The following PRKCB variants were observed in gnomAD, a reference collection of about 807,000 sequenced individuals.
PRKCB encodes protein kinase C beta, also known as protein kinase C beta type.
A neutral mutation model predicts 81.5 loss-of-function variants in PRKCB; 13 were observed. The observed-to-expected ratio is 0.16, with a 90% CI of 0.10 to 0.25. PRKCB has a LOEUF of 0.25. Among genes scored for constraint, PRKCB ranks in the 10% least tolerant of loss-of-function variants. The pLI, the probability that PRKCB is intolerant of heterozygous loss-of-function variation, is 1.00. For missense variants in PRKCB, 509 were observed against 875.7 expected (o/e 0.58, Z 5.29); for synonymous variants, 335 against 321.4 (o/e 1.04, Z -0.45).
At chr16:23,941,796 A>T (rs1425735420) in intron 2 of PRKCB, among the ~76,000 whole-genome samples, 1 of 152,220 alleles carries the variant, frequency 6.6e-6, no homozygotes, top group Non-Finnish European at 1.5e-5. Flanking sequence ...AAATATACTT[A>T]ATTTTGAGAT....
chr16:24,105,508 T>C (rs1439407079), intron 7 of PRKCB, among the ~76,000 whole-genome samples: 1 of 152,152 alleles, frequency 6.6e-6, no homozygotes. Context: ...CATTAGGTAT[T>C]TGTCTTAATG....
intron 2 of PRKCB, among the ~76,000 whole-genome samples, chr16:23,976,037 A>G (rs1037642935): frequency 6.6e-6 from 1 of 152,102 alleles, no homozygotes; most frequent in Non-Finnish European, 1.5e-5. Context: ...TTCCTTGGTG[A>G]TGGTAAAGAT....
At chr16:24,048,630 C>G (rs533768125) in intron 5 of PRKCB, among the ~76,000 whole-genome samples, 1 of 152,090 alleles carries the variant, frequency 6.6e-6, no homozygotes, top group African/African-American at 2.4e-5. Context: ...GCTGGGACTA[C>G]AGGCATGCGC....
At chr16:24,096,666 A>AAAAAAAAAATATATATAT (rs1406204037) in intron 7 of PRKCB, among the ~76,000 whole-genome samples, 5 of 32,690 alleles carry the variant, frequency 1.5e-4, no homozygotes, top group Admixed American at 8.8e-4. Flanking sequence ...AAAAAAAAAA[A>AAAAAAAAAATATATATAT]ATATATATAT....
At chr16:24,123,807 A>ATGTT in intron 8 of PRKCB, 28 bp from the exon 9 acceptor site, 2 of 1,612,168 alleles carry the variant, frequency 1.2e-6, no homozygotes, top group South Asian at 2.2e-5. Flanking sequence ...AACCCTGAGC[A>ATGTT]TGTTTTCTGT....
At chr16:23,943,940 G>A (rs1055768452) in intron 2 of PRKCB, among the ~76,000 whole-genome samples, 31 of 152,300 alleles carry the variant, frequency 2.0e-4, no homozygotes, top group Admixed American at 2.0e-3. Context: ...TTTGCCTCGC[G>A]TGCTCCTGGC....
At chr16:24,005,903 C>G (rs1008410837) in intron 3 of PRKCB, among the ~76,000 whole-genome samples, 3 of 152,254 alleles carry the variant, frequency 2.0e-5, no homozygotes, top group South Asian at 2.1e-4. Flanking sequence ...CCACAGTGAA[C>G]TTTCAAAAAT....
At chr16:23,952,166 G>C (rs1029913512) in intron 2 of PRKCB, among the ~76,000 whole-genome samples, 3 of 152,126 alleles carry the variant, frequency 2.0e-5, no homozygotes, top group African/African-American at 7.2e-5. Flanking sequence ...TGCAGAGATG[G>C]GGTCTGCTGC....
rs762571110 is a variant in PRKCB at position 24,113,093 on chromosome 16, TTCTTTCTTTTTTC to T, written c.918+38_918+50del. On this transcript the variant is annotated intron_variant, in intron 8 of 16. Transcript: ENST00000643927. ...AGGTGAGGTTTCTTTTCTTTTTCTCTTCTTTCTTTTTTCTCTTTCTTTTTTCCTTCTTTCCTCC... is the reference window on the plus strand; with the variant it reads ...AGGTGAGGTTTCTTTTCTTTTTCTCTTCTTTCTTTTTTCCTTCTTTCCTCC... 1.9e-4 allele frequency: 291 copies of T among 1,567,108 alleles called. 1 individual carries two copies. The highest frequency in any genetic ancestry group is 8.4e-4 in the Middle Eastern group (5 of 5,926).
intron 13 of PRKCB, among the ~76,000 whole-genome samples, chr16:24,182,642 T>C (rs1185003955): frequency 1.3e-5 from 2 of 152,184 alleles, no homozygotes; most frequent in Non-Finnish European, 2.9e-5. Flanking sequence ...GAGCCTGGGA[T>C]GTGACAGCAG....
In PRKCB at chr16:24,217,559, C is replaced by G. The variant is rs1968248135; in HGVS notation, c.*2743C>G. 2 of 985,270 alleles carry G rather than the reference C, an allele frequency of 2.0e-6. No individual in the cohort carries two copies. The highest frequency in any genetic ancestry group is 3.5e-5 in the African/African-American group (2 of 57,206). 61.0% of individuals were successfully genotyped at this position (985,270 alleles called of 1,614,324 possible). A position where few individuals can be genotyped will look rare whatever the true frequency, so the allele number is the denominator to read the frequency against. On this transcript the variant is annotated 3_prime_UTR_variant, in exon 17 of 17. Coordinates refer to ENST00000643927, the MANE Select transcript of PRKCB (RefSeq NM_002738.7). ...CTCTCCCAACTTCTACGGTAAAATCCAGGAGTATTTTCTCTGGGGATCTGC... is the reference window on the plus strand; with the variant it reads ...CTCTCCCAACTTCTACGGTAAAATCGAGGAGTATTTTCTCTGGGGATCTGC...
chr16:23,866,941 CCCCTT>C (rs1011598245), intron 2 of PRKCB, among the ~76,000 whole-genome samples: 1 of 148,928 alleles, frequency 6.7e-6, no homozygotes, highest in Non-Finnish European at 1.5e-5. Flanking sequence ...CCCTTCCCTT[CCCCTT>C]CCTTTCTTCC....
intron 3 of PRKCB, among the ~76,000 whole-genome samples, chr16:24,022,706 G>A (rs182918059): frequency 2.0e-3 from 312 of 152,290 alleles, no homozygotes; most frequent in African/African-American, 7.0e-3. Context: ...TGTTAGCCAG[G>A]ATGGTCTCGA....
chr16:23,962,245 T>C (rs1242112035), intron 2 of PRKCB, among the ~76,000 whole-genome samples: 1 of 152,118 alleles, frequency 6.6e-6, no homozygotes, highest in Non-Finnish European at 1.5e-5. Context: ...TGAAACTCAG[T>C]GTGCCACAAC....
chr16:24,206,500 C>T (rs1297292663), intron 16 of PRKCB, among the ~76,000 whole-genome samples: 1 of 152,204 alleles, frequency 6.6e-6, no homozygotes, highest in African/African-American at 2.4e-5. Flanking sequence ...TCAAAGTCGG[C>T]TAGGCAACAG....
intron 12 of PRKCB, among the ~76,000 whole-genome samples, chr16:24,175,329 G>A (rs73548559): frequency 0.014 from 2,149 of 152,024 alleles, 37 homozygotes; most frequent in African/African-American, 0.048. Context: ...AGAACCACAA[G>A]AGTCTCTTCC....
intron 2 of PRKCB, among the ~76,000 whole-genome samples, chr16:23,843,321 C>G (rs1962298732): frequency 6.6e-6 from 1 of 152,110 alleles, no homozygotes. Context: ...GAAGCAGACC[C>G]CAGAGACCTG....
Position 24,215,210 on chromosome 16 carries a change from C to T in PRKCB, c.*394C>T. The T allele has an allele frequency of 9.9e-7, 1 of 1,007,134 alleles. No individual in the cohort carries two copies. 62.4% of individuals were successfully genotyped at this position (1,007,134 alleles called of 1,614,324 possible). A position where few individuals can be genotyped will look rare whatever the true frequency, so the allele number is the denominator to read the frequency against. On this transcript the variant is annotated 3_prime_UTR_variant, in exon 17 of 17. Transcript: ENST00000643927. ...TTAGCGGTACTCTTCCACTTCCGGG[C>T]CTGGAGCTTGGCTTGTATCCAAGTG...
chr16:24,066,406 TGA>T (rs1241776591), intron 5 of PRKCB, among the ~76,000 whole-genome samples: 2 of 152,226 alleles, frequency 1.3e-5, no homozygotes, highest in Admixed American at 6.5e-5. Context: ...AGCCATGCAT[TGA>T]GTTATTAATT....
Sources: gnomAD v4.1 joint callset for allele counts (sites outside exome capture counted in the v4.1 genomes callset) on GRCh38, gnomAD v4.1.1 for gene constraint, MANE v1.5 for transcripts, NCBI Gene and HGNC (gene_info 2026-07-23, HGNC 2026-07-21) for gene names.